MTIF3: variants seen among roughly 807,000 people sequenced by gnomAD.
MTIF3 encodes the protein translation initiation factor IF-3, mitochondrial.
MTIF3 carries 13 observed loss-of-function variants against 20.7 expected under a neutral mutation model. The observed-to-expected ratio is 0.63, with a 90% CI of 0.41 to 1.00. The LOEUF (loss-of-function observed/expected upper bound fraction) is 1.00, where lower values mean the gene tolerates loss of function less well. Ranked by LOEUF, MTIF3 falls within the 50% of genes least tolerant of loss-of-function variation. MTIF3 has a pLI of 0.00. For missense variants in MTIF3, 295 were observed against 324.5 expected, an observed-to-expected ratio of 0.91 and a Z score of 0.70; for synonymous variants, 114 against 112.5, an observed-to-expected ratio of 1.01 and a Z score of -0.08.
In MTIF3 at chr13:27,440,312, A is replaced by C. The variant is rs1353467492; in HGVS notation, c.137T>G (p.Leu46Arg). The change falls in exon 3 of 5, where the codon CTC (leucine) becomes CGC (arginine). Residue 46 changes from leucine to arginine, a missense_variant. Coordinates refer to ENST00000381120, the MANE Select transcript of MTIF3 (RefSeq NM_152912.5). The stretch of plus-strand genomic sequence containing the variant: ...GGCTTTTGCATGAATTAGGAAGGAG[A>C]GTCTTGGGGCAGAAGCAATAGGGGA... ...QLSPIASAPR[L>R]SFLIHAKAFS... 1.2e-6 allele frequency: 2 copies of C among 1,613,842 alleles called. No individual in the cohort carries two copies. The highest frequency in any genetic ancestry group is 1.7e-6 in the Non-Finnish European group (2 of 1,179,976).
In MTIF3 at chr13:27,442,121, C is replaced by T. The variant is rs369098658; in HGVS notation, c.-1-1672G>A. ...ATATGTAATAGTCATTGAGGATTAA[C>T]GTGTTCAAAGTTCAATGCTTTGCCT... On this transcript the variant is annotated intron_variant, in intron 2 of 4. Coordinates refer to ENST00000381120, the MANE Select transcript of MTIF3 (RefSeq NM_152912.5). 3.9e-5 allele frequency among the ~76,000 whole-genome samples: 6 copies of T among 152,306 alleles called. No individual in the cohort carries two copies. In the East Asian group the frequency reaches 5.8e-4, roughly 15 times the overall value.
intron 1 of MTIF3, among the ~76,000 whole-genome samples, chr13:27,446,705 T>C (rs775817073): frequency 3.9e-5 from 6 of 152,236 alleles, no homozygotes; most frequent in Non-Finnish European, 8.8e-5. Flanking sequence ...TTCAAGCCTA[T>C]ATCTAAGTGA....
rs1222368138 is a variant in MTIF3 at position 27,435,764 on chromosome 13, C to T, written c.748G>A (p.Ala250Thr). 6.2e-7 allele frequency: 1 copy of T among 1,614,070 alleles called. No individual in the cohort carries two copies. Among genetic ancestry groups the T allele is most frequent in the Non-Finnish European group, 8.5e-7 (1 of 1,179,970 alleles). Residue 250 changes from alanine to threonine, a missense_variant, in exon 5 of 5, where the codon GCA (alanine) becomes ACA (threonine). Physicochemically the swap from Ala to Thr is moderately conservative, Grantham distance 58. Coordinates refer to ENST00000381120, the MANE Select transcript of MTIF3 (RefSeq NM_152912.5). ...TGGGTCTCTTGAGTTTCTTTATATG[C>T]CTTCTCCTCATTTTTGCTGAAAGCA... Reference protein sequence around the residue: ...LRAFSKNEEKAYKETQETQER... With the variant: ...LRAFSKNEEKTYKETQETQER...
rs1479517583 is a variant in MTIF3, at chr13:27,440,260, A to G, written c.189T>C (p.Asn63=). ...TATTCTTTTTTGTCTTTTTTCCTTC[A>G]TTCTGGGTGTCTTCAGCGGTACTAA... ...KAFSTAEDTQ[N]EGKKTKKNKT... Residue 63 remains asparagine (N), a synonymous_variant, in exon 3 of 5, where the codon AAT becomes AAC. Transcript: ENST00000381120. 2 of 1,613,566 alleles carry G rather than the reference A, an allele frequency of 1.2e-6. No individual in the cohort carries two copies. Among genetic ancestry groups the G allele is most frequent in the African/African-American group, 2.7e-5 (2 of 74,712 alleles).
At chr13:27,445,370 G>A (rs1170015369) in intron 1 of MTIF3, among the ~76,000 whole-genome samples, 2 of 152,020 alleles carry the variant, frequency 1.3e-5, no homozygotes, top group Non-Finnish European at 2.9e-5. Flanking sequence ...CAGCTACTGG[G>A]GAGGCTGAGG....
intron 3 of MTIF3, among the ~76,000 whole-genome samples, chr13:27,439,292 T>C (rs1420489528): frequency 3.1e-4 from 47 of 151,998 alleles, no homozygotes; most frequent in Admixed American, 2.7e-3. Flanking sequence ...GGCCAGGAGT[T>C]CAAGACCAGC....
intron 1 of MTIF3, among the ~76,000 whole-genome samples, chr13:27,447,828 C>T (rs1593202966): frequency 6.6e-6 from 1 of 152,168 alleles, no homozygotes; most frequent in Non-Finnish European, 1.5e-5. Flanking sequence ...TCACGTTGTA[C>T]GGATCATTAC....
chr13:27,449,221 T>TA (rs1355809473), intron 1 of MTIF3, among the ~76,000 whole-genome samples: 16 of 152,284 alleles, frequency 1.1e-4, no homozygotes, highest in Admixed American at 1.0e-3. Context: ...CTTCATTTCC[T>TA]AAACCCCACT....
At chr13:27,448,059 AT>A (rs1049996566) in intron 1 of MTIF3, among the ~76,000 whole-genome samples, 1 of 145,660 alleles carries the variant, frequency 6.9e-6, no homozygotes, top group Non-Finnish European at 1.5e-5. Context: ...ATTATTTTGC[AT>A]TCTACCGGAA....
chr13:27,440,369 T>A lies in MTIF3; in HGVS notation c.80A>T (p.His27Leu), dbSNP rs372307174. Residue 27 changes from histidine to leucine, a missense_variant, in exon 3 of 5, where the codon CAC becomes CTC. By Grantham distance (99) the His-to-Leu change is moderately conservative. Coordinates refer to ENST00000381120, the MANE Select transcript of MTIF3 (RefSeq NM_152912.5). Reference sequence around the variant, plus strand: ...TGCTGGTGCTGTCTTTTGCAGGATGTGTTTACCAAAACATCTAATGCAACT... The same window carrying A: ...TGCTGGTGCTGTCTTTTGCAGGATGAGTTTACCAAAACATCTAATGCAACT... ...ENSCIRCFGK[H>L]ILQKTAPAQL... 2 of 1,614,258 alleles carry A rather than the reference T, an allele frequency of 1.2e-6. No homozygotes were observed. The highest frequency in any genetic ancestry group is 2.7e-5 in the African/African-American group (2 of 75,064).
chr13:27,437,026 C>T, intron 4 of MTIF3, 90 bp downstream of exon 4: 2 of 1,371,844 alleles, frequency 1.5e-6, no homozygotes, highest in Non-Finnish European at 2.0e-6. Flanking sequence ...GCTGGGATTA[C>T]AGGCGTGAGC....
At chr13:27,449,435 A>G (rs774006666) in intron 1 of MTIF3, among the ~76,000 whole-genome samples, 15 of 152,196 alleles carry the variant, frequency 9.9e-5, no homozygotes, top group Non-Finnish European at 2.1e-4. Context: ...TCGCCAGGCC[A>G]AAAGGCCCTT....
intron 2 of MTIF3, among the ~76,000 whole-genome samples, chr13:27,441,893 C>T (rs1196757617): frequency 6.6e-6 from 1 of 152,198 alleles, no homozygotes; most frequent in East Asian, 1.9e-4. Flanking sequence ...GTACAACCCA[C>T]TTATCTCTCA....
intron 2 of MTIF3, among the ~76,000 whole-genome samples, chr13:27,441,920 G>A (rs1954015520): frequency 6.6e-6 from 1 of 152,160 alleles, no homozygotes; most frequent in Non-Finnish European, 1.5e-5. Context: ...ATGTTCAAGA[G>A]TGATATGCAA....
chr13:27,436,158 C>T (rs1283554329), intron 4 of MTIF3, among the ~76,000 whole-genome samples: 1 of 152,150 alleles, frequency 6.6e-6, no homozygotes, highest in Non-Finnish European at 1.5e-5. Flanking sequence ...CTCAGCATTA[C>T]CCTCTCCCAC....
At chr13:27,449,206 A>G (rs933003203) in intron 1 of MTIF3, among the ~76,000 whole-genome samples, 6 of 152,112 alleles carry the variant, frequency 3.9e-5, no homozygotes, top group African/African-American at 1.4e-4. Context: ...ACCAAGCCTC[A>G]TCGACTTCAT....
At chr13:27,439,149 G>A (rs1390215736) in intron 3 of MTIF3, among the ~76,000 whole-genome samples, 1 of 152,204 alleles carries the variant, frequency 6.6e-6, no homozygotes, top group African/African-American at 2.4e-5. Context: ...TACTGATATT[G>A]CAACACAATG....
chr13:27,437,268 T>G lies in MTIF3; in HGVS notation c.466A>C (p.Thr156Pro), dbSNP rs2138064098. ...MEKANPKTGP[T>P]LRKELILSSN... ...GACAAAATCAGTTCCTTTCTCAGGG[T>G]TGGTCCTGGTTTGAAACAGATAGGG... The change falls in exon 4 of 5, where the codon ACC (threonine) becomes CCC (proline). Residue 156 changes from threonine to proline, a missense_variant. Physicochemically the swap from Thr to Pro is conservative, Grantham distance 38 (BLOSUM62 -1). Coordinates refer to ENST00000381120, the MANE Select transcript of MTIF3 (RefSeq NM_152912.5). 6.2e-7 allele frequency: 1 copy of G among 1,613,260 alleles called. No individual in the cohort carries two copies. Among genetic ancestry groups the G allele is most frequent in the Non-Finnish European group, 8.5e-7 (1 of 1,179,932 alleles).
intron 4 of MTIF3, 75 bp from the exon 5 acceptor site, chr13:27,435,968 TC>T: frequency 1.6e-6 from 2 of 1,238,912 alleles, no homozygotes; most frequent in Non-Finnish European, 2.3e-6. Flanking sequence ...GCTTGAACAT[TC>T]ACAAAAACTG....
Sources: allele counts gnomAD v4.1 joint callset (sites outside exome capture counted in the v4.1 genomes callset), GRCh38; gene constraint gnomAD v4.1.1; transcripts MANE v1.5; gene names NCBI Gene and HGNC (gene_info 2026-07-23, HGNC 2026-07-21).